The following KATNB1 variants were observed in gnomAD, a reference collection of about 807,000 sequenced individuals.
The protein encoded by KATNB1 is katanin regulatory subunit B1.
In KATNB1, 38 loss-of-function variants were observed where a neutral mutation model predicts 82.3. That is an observed-to-expected ratio of 0.46 (90% CI 0.36 to 0.61). KATNB1 has a LOEUF of 0.61. KATNB1 is among the 20% of genes least tolerant of loss of function. The probability of loss-of-function intolerance (pLI) is 0.00; values close to 1 mark genes in which losing one functional copy is unlikely to be tolerated. For synonymous variants in KATNB1, 361 were observed against 368.7 expected (o/e 0.98, Z 0.24); for missense variants, 749 against 915.7 (o/e 0.82, Z 2.35).
At chr16:57,755,696 C>T in intron 16 of KATNB1, 145 bp from the exon 17 acceptor site, 1 of 973,680 alleles carries the variant, frequency 1.0e-6, no homozygotes. Context: ...ACATGCCTGG[C>T]CTTACACTCA....
chr16:57,745,419 C>G (rs797025435), intron 4 of KATNB1, among the ~76,000 whole-genome samples: 1 of 150,898 alleles, frequency 6.6e-6, no homozygotes, highest in Non-Finnish European at 1.5e-5. Flanking sequence ...CAAAATTAGC[C>G]GGGTGTGGTG....
intron 3 of KATNB1, among the ~76,000 whole-genome samples, chr16:57,743,770 G>A (rs540739134): frequency 2.0e-5 from 3 of 152,344 alleles, no homozygotes; most frequent in East Asian, 1.9e-4. Context: ...CCTGCAGGCC[G>A]TCCACTTGGA....
In KATNB1 at chr16:57,737,055, G is replaced by A. The variant is rs1164470690; in HGVS notation, c.-189G>A. ...TGACAGATGTGCACAGGCTGCTGCT[G>A]TTGCTGCTGTGGGTAATTTGGAACC... On this transcript the variant is annotated 5_prime_UTR_variant, in exon 2 of 20. Coordinates refer to ENST00000379661, the MANE Select transcript of KATNB1 (RefSeq NM_005886.3). The A allele has an allele frequency of 8.4e-6, 6 of 717,462 alleles. No individual in the cohort carries two copies. In the African/African-American group the frequency reaches 1.0e-4, roughly 12 times the overall value. 44.4% of individuals were successfully genotyped at this position (717,462 alleles called of 1,614,324 possible). A position where few individuals can be genotyped will look rare whatever the true frequency, so the allele number is the denominator to read the frequency against.
chr16:57,756,439 C>A lies in KATNB1; in HGVS notation c.1802C>A (p.Pro601His). The part of the protein sequence containing the change: ...PLITDMLAAP[P>H]SVGVDISREE... ...ATCACAGACATGCTGGCGGCCCCAC[C>A]CTCTGTGGGTGTGGATATCAGCAGG... The change falls in exon 19 of 20, where the codon CCC becomes CAC. Residue 601 changes from proline to histidine, a missense_variant. By Grantham distance (77) the Pro-to-His change is moderately conservative. Transcript: ENST00000379661. 6.2e-7 allele frequency: 1 copy of A among 1,613,806 alleles called. No individual in the cohort carries two copies. Among genetic ancestry groups the A allele is most frequent in the South Asian group, 1.1e-5 (1 of 91,084 alleles).
chr16:57,740,430 C>G (rs531705207), intron 2 of KATNB1, among the ~76,000 whole-genome samples: 1 of 152,194 alleles, frequency 6.6e-6, no homozygotes, highest in Non-Finnish European at 1.5e-5. Context: ...GTCTGAAGCC[C>G]GCAGCAGAGA....
chr16:57,752,886 C>T lies in KATNB1; in HGVS notation c.813C>T (p.Asn271=), dbSNP rs781987055. The T allele has an allele frequency of 1.2e-6, 2 of 1,607,408 alleles. No individual in the cohort carries two copies. The highest frequency in any genetic ancestry group is 1.7e-6 in the Non-Finnish European group (2 of 1,179,844). Reference sequence around the variant, plus strand: ...GGTGCTTTGATGTGGTCCTCGTCAACTGGGGCAAGGTGGCCGACCTGGCCA... The same window carrying T: ...GGTGCTTTGATGTGGTCCTCGTCAATTGGGGCAAGGTGGCCGACCTGGCCA... ...PERCFDVVLV[N]WGKVADLAIC... The change falls in exon 10 of 20, where the codon AAC becomes AAT. Residue 271 remains asparagine, a synonymous_variant. Transcript: ENST00000379661.
chr16:57,752,352 G>A (rs1555583577), intron 8 of KATNB1, 178 bp from the exon 9 acceptor site: 1 of 672,310 alleles, frequency 1.5e-6, no homozygotes, highest in African/African-American at 1.8e-5. Context: ...CAACCCTGGG[G>A]CCAGGGCCAT....
Position 57,756,399 on chromosome 16 carries a change from C to G in KATNB1, c.1762C>G (p.Arg588Gly). 6.2e-7 allele frequency: 1 copy of G among 1,614,046 alleles called. No homozygotes were observed. Among genetic ancestry groups the G allele is most frequent in the Non-Finnish European group, 8.5e-7 (1 of 1,180,022 alleles). ...CACCTCCCTGAAGCTGATCCTGCAG[C>G]GGTTTCTGCCCCTCATCACAGACAT... ...GCTSLKLILQ[R>G]FLPLITDMLA... Residue 588 changes from arginine (R) to glycine (G), a missense_variant, in exon 19 of 20, where the codon CGG (arginine) becomes GGG (glycine). Physicochemically the swap from Arg to Gly is moderately radical, Grantham distance 125. Transcript: ENST00000379661.
chr16:57,748,055 T>C (rs1023654134), intron 4 of KATNB1, among the ~76,000 whole-genome samples: 4 of 152,160 alleles, frequency 2.6e-5, no homozygotes, highest in African/African-American at 7.2e-5. Context: ...GTGATTCCGA[T>C]GGACAGCCAG....
chr16:57,750,796 T>C (rs543728749), intron 4 of KATNB1, 31 bp from the exon 5 acceptor site: 10 of 1,577,084 alleles, frequency 6.3e-6, no homozygotes, highest in Admixed American at 3.3e-5. Flanking sequence ...ATTTGCCTCT[T>C]AGCCACTGTC....
At position 57,752,984 on chromosome 16, in the gene KATNB1, TCCAGC is replaced by T; in HGVS notation, c.855+61_855+65del. ...ACTCCCACAGGGCCACCCGCCTCCCTCCAGCCCAGGCCCCTCCTCCTACCCCCACA... is the reference window on the plus strand; with the variant it reads ...ACTCCCACAGGGCCACCCGCCTCCCTCCAGGCCCCTCCTCCTACCCCCACA... On this transcript the variant is annotated intron_variant, in intron 10 of 19. Transcript: ENST00000379661. 3 of 1,582,062 alleles carry T rather than the reference TCCAGC, an allele frequency of 1.9e-6. No individual in the cohort carries two copies. The South Asian group carries it at 3.3e-5, about 18-fold the overall frequency.
chr16:57,740,720 G>A (rs1402199076), intron 2 of KATNB1, among the ~76,000 whole-genome samples: 1 of 152,230 alleles, frequency 6.6e-6, no homozygotes, highest in Non-Finnish European at 1.5e-5. Context: ...GCTCCTGTCT[G>A]CCATCTCCAC....
At chr16:57,752,624 G>T in intron 9 of KATNB1, 23 bp downstream of exon 9, 1 of 1,554,338 alleles carries the variant, frequency 6.4e-7, no homozygotes. Flanking sequence ...TGGGGTGGGC[G>T]GCCCAGCGCT....
At chr16:57,742,495 A>G (rs2049150692) in intron 3 of KATNB1, among the ~76,000 whole-genome samples, 1 of 152,284 alleles carries the variant, frequency 6.6e-6, no homozygotes, top group Non-Finnish European at 1.5e-5. Context: ...ACGTAAGTGC[A>G]CACTTGTACA....
rs1392331720 is a variant in KATNB1 at position 57,751,885 on chromosome 16, G to A, written c.517-55G>A. On this transcript the variant is annotated intron_variant, in intron 7 of 19. Transcript: ENST00000379661. The surrounding 1 kb of genome is among the most constrained non-coding windows in gnomAD (Gnocchi z 6.3). ...AAGAGCTTGGCCTGGATTAGAGGGA[G>A]GGTGGGCAGCCAAGATGCCTGGTCA... The A allele has an allele frequency of 1.4e-5, 21 of 1,467,008 alleles. No individual in the cohort carries two copies. Among genetic ancestry groups the A allele is most frequent in the Non-Finnish European group, 2.0e-5 (21 of 1,052,446 alleles). 90.9% of individuals were successfully genotyped at this position (1,467,008 alleles called of 1,614,324 possible).
At chr16:57,736,919 G>T (rs1159940902) in intron 1 of KATNB1, 59 bp from the exon 2 acceptor site, 1 of 598,250 alleles carries the variant, frequency 1.7e-6, no homozygotes, top group South Asian at 1.5e-5. Flanking sequence ...GTGATCCAGG[G>T]AGCAACAGCT....
At position 57,741,556 on chromosome 16, in the gene KATNB1, G is replaced by A. The variant is rs531141747; in HGVS notation, c.41-131G>A. 1.7e-4 allele frequency: 154 copies of A among 927,086 alleles called. No homozygotes were observed. The South Asian group carries it at 2.3e-3, about 14-fold the overall frequency. 57.4% of individuals were successfully genotyped at this position (927,086 alleles called of 1,614,324 possible). A position where few individuals can be genotyped will look rare whatever the true frequency, so the allele number is the denominator to read the frequency against. ...CTGCAGCTCATGGTGGACACCAAAG[G>A]GGGAGCTGAAGGAGGCAGATCCTTC... On this transcript the variant is annotated intron_variant, in intron 2 of 19. Coordinates refer to ENST00000379661, the MANE Select transcript of KATNB1 (RefSeq NM_005886.3).
At chr16:57,752,659 T>C in intron 9 of KATNB1, 58 bp downstream of exon 9, 1 of 1,545,086 alleles carries the variant, frequency 6.5e-7, no homozygotes, top group East Asian at 2.4e-5. Context: ...GGCGTGGCTG[T>C]GGGTGGGCCT....
chr16:57,757,059 C>G lies in KATNB1; in HGVS notation c.*113C>G. 3.2e-6 allele frequency: 4 copies of G among 1,233,512 alleles called. No individual in the cohort carries two copies. The highest frequency in any genetic ancestry group is 4.2e-6 in the Non-Finnish European group (4 of 945,312). 76.4% of individuals were successfully genotyped at this position (1,233,512 alleles called of 1,614,324 possible). ...GCCTCTGCCTGGCCCCTGCTGCTGT[C>G]CTGTGGCCGTCCTGGAGGAGGTGAT... On this transcript the variant is annotated 3_prime_UTR_variant, in exon 20 of 20. Transcript: ENST00000379661.
Sources: gnomAD v4.1 joint callset for allele counts (sites outside exome capture counted in the v4.1 genomes callset) on GRCh38, gnomAD v4.1.1 for gene constraint, Gnocchi (gnomAD v3.1) non-coding constraint, MANE v1.5 for transcripts, NCBI Gene and HGNC (gene_info 2026-07-23, HGNC 2026-07-21) for gene names.